The following BBS9 variants were observed in gnomAD, a reference collection of about 807,000 sequenced individuals.
The protein encoded by BBS9 is Bardet-Biedl syndrome 9, also known as protein PTHB1.
BBS9 carries 89 observed loss-of-function variants against 117.7 expected under a neutral mutation model. The observed-to-expected ratio is 0.76, with a 90% CI of 0.64 to 0.90. The LOEUF is 0.90. Ranked by LOEUF, BBS9 falls within the 40% of genes least tolerant of loss-of-function variation. The pLI is 0.00. For synonymous variants in BBS9, 379 were observed against 370.9 expected (o/e 1.02, Z -0.25); for missense variants, 982 against 1,042.2 (o/e 0.94, Z 0.80).
intron 1 of BBS9, among the ~76,000 whole-genome samples, chr7:33,139,202 A>C (rs1791064873): frequency 6.6e-6 from 1 of 151,220 alleles, no homozygotes; most frequent in Non-Finnish European, 1.5e-5. Context: ...CGGTGAGCTG[A>C]GATTGTGCCA....
chr7:33,228,268 T>C (rs1003952417), intron 5 of BBS9, among the ~76,000 whole-genome samples: 4 of 152,174 alleles, frequency 2.6e-5, no homozygotes, highest in Non-Finnish European at 5.9e-5. Flanking sequence ...TGACTGTTTG[T>C]ATATCCTTTT....
At chr7:33,575,255 T>G (rs1163909685) in intron 21 of BBS9, among the ~76,000 whole-genome samples, 1 of 152,114 alleles carries the variant, frequency 6.6e-6, no homozygotes, top group Non-Finnish European at 1.5e-5. Context: ...GGTGTTCTCA[T>G]GGGTTCAATC....
At chr7:33,368,658 TA>T (rs200577019) in intron 17 of BBS9, among the ~76,000 whole-genome samples, 2 of 145,058 alleles carry the variant, frequency 1.4e-5, no homozygotes, top group African/African-American at 2.5e-5. Flanking sequence ...ACATTCCAAT[TA>T]AAAAAAAAAC....
At chr7:33,165,596 G>A (rs551247543) in intron 4 of BBS9, among the ~76,000 whole-genome samples, 6 of 151,404 alleles carry the variant, frequency 4.0e-5, no homozygotes, top group Non-Finnish European at 8.8e-5. Flanking sequence ...TTCAATCAAC[G>A]ATAGCCTTTC....
intron 19 of BBS9, among the ~76,000 whole-genome samples, chr7:33,494,084 C>G (rs1844393815): frequency 6.6e-6 from 1 of 152,106 alleles, no homozygotes; most frequent in Non-Finnish European, 1.5e-5. Flanking sequence ...AGAAGGATAA[C>G]TGTTTTGAGC....
intron 21 of BBS9, among the ~76,000 whole-genome samples, chr7:33,590,390 C>T (rs1003924541): frequency 1.1e-4 from 17 of 148,762 alleles, no homozygotes; most frequent in Admixed American, 7.3e-4. Flanking sequence ...TGATCTGGAC[C>T]CTAATCTTTG....
At chr7:33,146,510 G>T in intron 2 of BBS9, 146 bp downstream of exon 2, 1 of 668,080 alleles carries the variant, frequency 1.5e-6, no homozygotes, top group Non-Finnish European at 2.7e-6. Context: ...GACCAGCCTG[G>T]CCAACATGGT....
In BBS9 at chr7:33,436,095, C is replaced by T. The variant is rs530372300; in HGVS notation, c.2115+47951C>T. Among the ~76,000 whole-genome samples, 29 of 152,260 alleles carry T rather than the reference C, an allele frequency of 1.9e-4. No individual in the cohort carries two copies. In the South Asian group the frequency reaches 4.8e-3, roughly 25 times the overall value. ...AGTGCAACTTTAAGACAGGTCAGCT[C>T]GCTAACTTCCAAGTAGGTTGCTGTA... is the stretch of plus-strand genomic sequence containing the variant. On this transcript the variant is annotated intron_variant, in intron 19 of 22. Transcript: ENST00000242067.
At position 33,530,878 on chromosome 7, in the gene BBS9, C is replaced by T. The variant is rs189143137; in HGVS notation, c.2299-3076C>T. ...AATGGGCCAATAGAGTGAAAAGTCC[C>T]GATTAACCCATTATGGCAATCAGTG... is the stretch of plus-strand genomic sequence containing the variant. On this transcript the variant is annotated intron_variant, in intron 20 of 22. Transcript: ENST00000242067. Among the ~76,000 whole-genome samples the T allele has an allele frequency of 3.9e-5, 6 of 152,188 alleles. No individual in the cohort carries two copies. In the East Asian group the frequency reaches 7.7e-4, roughly 20 times the overall value.
chr7:33,345,578 GTT>G (rs1817443021), intron 12 of BBS9, among the ~76,000 whole-genome samples: 1 of 152,108 alleles, frequency 6.6e-6, no homozygotes, highest in Admixed American at 6.6e-5. Flanking sequence ...CCTAAGCTAA[GTT>G]TTTTGGATTC....
At position 33,569,558 on chromosome 7, in the gene BBS9, A is replaced by G. The variant is rs181254690; in HGVS notation, c.2522-35307A>G. ...ATCACGAGGTCAGGAGATCGAGACC[A>G]TCCTGGCTATGGTGAAATCCCATCT... On this transcript the variant is annotated intron_variant, in intron 21 of 22. Coordinates refer to ENST00000242067, the MANE Select transcript of BBS9 (RefSeq NM_198428.3). Among the ~76,000 whole-genome samples, 1,419 of 151,728 alleles carry G rather than the reference A, an allele frequency of 9.4e-3. 11 individuals are homozygous for G. The highest frequency in any genetic ancestry group is 0.014 in the Non-Finnish European group (968 of 67,898).
At chr7:33,429,925 G>A (rs145997237) in intron 19 of BBS9, among the ~76,000 whole-genome samples, 6 of 152,240 alleles carry the variant, frequency 3.9e-5, no homozygotes, top group African/African-American at 1.4e-4. Context: ...TATGGGAAGG[G>A]AGAGTTGCCT....
intron 19 of BBS9, among the ~76,000 whole-genome samples, chr7:33,404,890 G>A (rs1414923863): frequency 6.6e-6 from 1 of 152,092 alleles, no homozygotes; most frequent in Non-Finnish European, 1.5e-5. Context: ...TGTTGAATAG[G>A]AGTAGTGAGA....
intron 4 of BBS9, among the ~76,000 whole-genome samples, chr7:33,157,949 C>G (rs1208080276): frequency 1.3e-5 from 2 of 152,156 alleles, no homozygotes; most frequent in Non-Finnish European, 2.9e-5. Flanking sequence ...AGATTTCTTT[C>G]TGATGGGCTT....
chr7:33,453,755 G>A (rs1563198149), intron 19 of BBS9, among the ~76,000 whole-genome samples: 1 of 152,042 alleles, frequency 6.6e-6, no homozygotes, highest in Non-Finnish European at 1.5e-5. Flanking sequence ...CCCGACCTCA[G>A]GTGATCTGCC....
intron 21 of BBS9, among the ~76,000 whole-genome samples, chr7:33,578,574 G>A (rs1270102389): frequency 3.9e-5 from 6 of 152,148 alleles, no homozygotes; most frequent in Non-Finnish European, 5.9e-5. Context: ...CCTAGTTTTG[G>A]CAAGTTCTGA....
In BBS9 at chr7:33,383,963, A is replaced by T. The variant is rs144525291; in HGVS notation, c.1962+125A>T. The T allele has an allele frequency of 4.6e-4, 473 of 1,038,412 alleles. No homozygotes were observed. In the Middle Eastern group the frequency reaches 5.3e-3, roughly 12 times the overall value. The allele number at this position is 1,038,412 out of a possible 1,614,324, so 64.3% of individuals were successfully genotyped here. On this transcript the variant is annotated intron_variant, in intron 18 of 22. Coordinates refer to ENST00000242067, the MANE Select transcript of BBS9 (RefSeq NM_198428.3). The stretch of plus-strand genomic sequence containing the variant: ...GCTTCTAGTTGTTTTTCTTATGTGG[A>T]TGGTGGATTTCGTGAATCCATTCCT...
At chr7:33,206,995 C>T (rs956063826) in intron 5 of BBS9, among the ~76,000 whole-genome samples, 1 of 152,040 alleles carries the variant, frequency 6.6e-6, no homozygotes, top group Non-Finnish European at 1.5e-5. Flanking sequence ...TTGTCTCTTA[C>T]TTCCCTGTGA....
chr7:33,466,534 G>A (rs1028884505), intron 19 of BBS9, among the ~76,000 whole-genome samples: 9 of 152,120 alleles, frequency 5.9e-5, no homozygotes, highest in Non-Finnish European at 1.0e-4. Flanking sequence ...ATATATGTGT[G>A]TGTGTTTACA....
Sources: allele counts gnomAD v4.1 joint callset (sites outside exome capture counted in the v4.1 genomes callset), GRCh38; gene constraint gnomAD v4.1.1; transcripts MANE v1.5; gene names NCBI Gene and HGNC (gene_info 2026-07-23, HGNC 2026-07-21).